YTHDC2: variants seen among roughly 807,000 people sequenced by gnomAD.
The protein encoded by YTHDC2 is YTH N6-methyladenosine RNA binding protein C2.
A neutral mutation model predicts 174.9 loss-of-function variants in YTHDC2; 45 were observed. The ratio of observed to expected loss-of-function variants is 0.26; its 90% confidence interval spans 0.20 to 0.33. The LOEUF is 0.33. Among genes scored for constraint, YTHDC2 ranks in the 10% least tolerant of loss-of-function variants. The pLI is 1.00. For missense variants in YTHDC2, 1,650 were observed against 1,723.7 expected, an observed-to-expected ratio of 0.96 and a Z score of 0.76; for synonymous variants, 657 against 574.5, an observed-to-expected ratio of 1.14 and a Z score of -2.05.
At chr5:113,588,418 A>G (rs1778810743) in intron 26 of YTHDC2, among the ~76,000 whole-genome samples, 2 of 151,896 alleles carry the variant, frequency 1.3e-5, no homozygotes, top group African/African-American at 2.4e-5. Flanking sequence ...TTTGTTCATG[A>G]GGGGTATTAT....
intron 23 of YTHDC2, among the ~76,000 whole-genome samples, chr5:113,576,649 C>G (rs944298721): frequency 6.6e-6 from 1 of 151,974 alleles, no homozygotes; most frequent in Non-Finnish European, 1.5e-5. Flanking sequence ...TTATTTCTGT[C>G]AAAAAGAAAT....
chr5:113,590,380 G>T (rs147718458), intron 26 of YTHDC2, among the ~76,000 whole-genome samples: 21 of 152,340 alleles, frequency 1.4e-4, no homozygotes, highest in African/African-American at 5.1e-4. Context: ...GGTTCTATCT[G>T]TTCTGGCTGA....
chr5:113,548,720 C>A (rs752515750), intron 11 of YTHDC2, 53 bp downstream of exon 11: 191 of 1,501,968 alleles, frequency 1.3e-4, no homozygotes, highest in Non-Finnish European at 1.5e-4. Flanking sequence ...CTACACATAT[C>A]TTTTTTTGTT....
chr5:113,560,774 A>G (rs573729371), intron 17 of YTHDC2, among the ~76,000 whole-genome samples: 4 of 152,320 alleles, frequency 2.6e-5, no homozygotes, highest in African/African-American at 9.6e-5. Flanking sequence ...TAAATTACCA[A>G]TATTCATTCA....
At chr5:113,573,365 A>G (rs1218574080) in intron 23 of YTHDC2, among the ~76,000 whole-genome samples, 1 of 152,072 alleles carries the variant, frequency 6.6e-6, no homozygotes, top group Non-Finnish European at 1.5e-5. Context: ...TTCCCTTTGT[A>G]TGTAACCTGG....
At chr5:113,526,991 T>A (rs1774304597) in intron 4 of YTHDC2, among the ~76,000 whole-genome samples, 1 of 151,920 alleles carries the variant, frequency 6.6e-6, no homozygotes, top group African/African-American at 2.4e-5. Flanking sequence ...AGAAAGAAAA[T>A]GTTTTAAATA....
chr5:113,532,503 CTT>C (rs1326809585), intron 4 of YTHDC2, among the ~76,000 whole-genome samples: 6 of 152,122 alleles, frequency 3.9e-5, no homozygotes, highest in African/African-American at 1.4e-4. Context: ...ATTTTATTGA[CTT>C]TATGGAATAA....
intron 23 of YTHDC2, among the ~76,000 whole-genome samples, chr5:113,579,366 G>T (rs1778254307): frequency 6.6e-6 from 1 of 151,812 alleles, no homozygotes. Context: ...TTATTTTGTT[G>T]CATTGTGATG....
chr5:113,572,641 G>A (rs1395034012), intron 23 of YTHDC2, among the ~76,000 whole-genome samples: 1 of 152,180 alleles, frequency 6.6e-6, no homozygotes, highest in South Asian at 2.1e-4. Flanking sequence ...TAATGAATCT[G>A]GGTGCTCCTG....
intron 23 of YTHDC2, among the ~76,000 whole-genome samples, chr5:113,574,688 T>G (rs1026559972): frequency 2.0e-5 from 3 of 152,168 alleles, no homozygotes; most frequent in Non-Finnish European, 4.4e-5. Context: ...TGAGGTGCCA[T>G]GGAAGTGGAT....
rs1411392037 is a variant in YTHDC2, at chr5:113,591,224, C to A, written c.4009C>A (p.Gln1337Lys). The change falls in exon 27 of 30, where the codon CAA becomes AAA. Residue 1337 changes from glutamine (Q) to lysine (K), a missense_variant. Gln to Lys is a moderately conservative substitution (Grantham distance 53, BLOSUM62 1). This residue lies in a region of YTHDC2 where 913 missense variants were observed against 940.4 expected (regional missense o/e 0.97). Coordinates refer to ENST00000161863, the MANE Select transcript of YTHDC2 (RefSeq NM_022828.5). ...SSIVYLVFSV[Q>K]GSGHFQGFSR... ...CATAGTTTACTTGGTATTTTCTGTT[C>A]AAGGATCTGGACATTTCCAGGTGAG... 1.2e-6 allele frequency: 2 copies of A among 1,613,782 alleles called. No homozygotes were observed. The highest frequency in any genetic ancestry group is 1.1e-5 in the South Asian group (1 of 91,052).
At chr5:113,542,105 A>G (rs1367834544) in intron 9 of YTHDC2, among the ~76,000 whole-genome samples, 4 of 152,190 alleles carry the variant, frequency 2.6e-5, no homozygotes, top group African/African-American at 9.6e-5. Flanking sequence ...TAACAACATC[A>G]TATTGGAAGC....
rs6867579 is a variant in YTHDC2, at chr5:113,563,876, T to C, written c.2460T>C (p.Asp820=). Reference sequence around the variant, plus strand: ...TTACTTAGACAATAGATGCAATGGATACATGGGAAGATCTGACTGAACTTG... The same window carrying C: ...TTACTTAGACAATAGATGCAATGGACACATGGGAAGATCTGACTGAACTTG... ...VQMLKTIDAM[D]TWEDLTELGY... is the part of the protein sequence containing the mutation. Residue 820 remains aspartate (D), a synonymous_variant, in exon 20 of 30, where the codon GAT becomes GAC. Coordinates refer to ENST00000161863, the MANE Select transcript of YTHDC2 (RefSeq NM_022828.5). 262,447 of 1,614,006 alleles carry C rather than the reference T, an allele frequency of 0.16. 23,073 individuals carry two copies. The highest frequency in any genetic ancestry group is 0.18 in the Non-Finnish European group (215,510 of 1,179,892).
In YTHDC2 at chr5:113,539,128, C is replaced by T; in HGVS notation, c.1157C>T (p.Thr386Ile). The change falls in exon 8 of 30, where the codon ACA (threonine) becomes ATA (isoleucine). Residue 386 changes from threonine (T) to isoleucine (I), a missense_variant. Around this residue, in one of 5 missense-constraint regions of YTHDC2, gnomAD observed 411 missense variants for 380.6 expected, o/e 1.08. Coordinates refer to ENST00000161863, the MANE Select transcript of YTHDC2 (RefSeq NM_022828.5). ...KEMFLEDILR[T>I]TGYTNKEMLK... is the part of the protein sequence containing the mutation. ...ATGTTTCTGGAAGATATTTTAAGAA[C>T]AACTGGATATACAAACAAAGAAATG... 1 of 1,438,362 alleles carries T rather than the reference C, an allele frequency of 7.0e-7. No homozygotes were observed. Among genetic ancestry groups the T allele is most frequent in the African/African-American group, 1.5e-5 (1 of 68,124 alleles). The allele number at this position is 1,438,362 out of a possible 1,614,324, so 89.1% of individuals were successfully genotyped here.
chr5:113,553,055 T>G (rs972861507), intron 12 of YTHDC2, 126 bp from the exon 13 acceptor site: 4 of 934,552 alleles, frequency 4.3e-6, no homozygotes, highest in Non-Finnish European at 5.9e-6. Flanking sequence ...ATGAATCATA[T>G]TATAGCTAGG....
rs376001160 is a variant in YTHDC2, at chr5:113,532,944, A to T, written c.741A>T (p.Gln247His). 2.5e-6 allele frequency: 4 copies of T among 1,614,180 alleles called. No individual in the cohort carries two copies. Among genetic ancestry groups the T allele is most frequent in the Non-Finnish European group, 3.4e-6 (4 of 1,180,032 alleles). Reference sequence around the variant, plus strand: ...TCCCCTGCCGTATATTTTGTACTCAACCAAGACGATTGGCAGCTATCGCTG... The same window carrying T: ...TCCCCTGCCGTATATTTTGTACTCATCCAAGACGATTGGCAGCTATCGCTG... ...NGIPCRIFCT[Q>H]PRRLAAIAVA... Residue 247 changes from glutamine (Q) to histidine (H), a missense_variant, in exon 5 of 30, where the codon CAA becomes CAT. By Grantham distance (24) the Gln-to-His change is conservative (BLOSUM62 0). Around this residue, in one of 5 missense-constraint regions of YTHDC2, gnomAD observed 304 missense variants for 341.4 expected, o/e 0.89. Coordinates refer to ENST00000161863, the MANE Select transcript of YTHDC2 (RefSeq NM_022828.5).
intron 26 of YTHDC2, 50 bp from the exon 27 acceptor site, chr5:113,590,991 G>A: frequency 6.7e-7 from 1 of 1,502,238 alleles, no homozygotes; most frequent in Non-Finnish European, 9.1e-7. Context: ...GGAGCCTCTT[G>A]GTTTTGAAAG....
At chr5:113,588,777 C>T (rs1204329134) in intron 26 of YTHDC2, among the ~76,000 whole-genome samples, 1 of 151,814 alleles carries the variant, frequency 6.6e-6, no homozygotes, top group African/African-American at 2.4e-5. Context: ...CATGTGCCAC[C>T]ATGCCTGGCT....
At chr5:113,567,404 T>TTATATATATATATATATATATATATATA (rs368320106) in intron 22 of YTHDC2, 107 bp downstream of exon 22, 2 of 276,016 alleles carry the variant, frequency 7.2e-6, no homozygotes, top group African/African-American at 7.6e-5. Flanking sequence ...AATTAATTAG[T>TTATATATATATATATATATATATATATA]TATATATATA....
Sources: allele counts gnomAD v4.1 joint callset (sites outside exome capture counted in the v4.1 genomes callset), GRCh38; gene constraint gnomAD v4.1.1; regional missense constraint gnomAD v4.1.1; transcripts MANE v1.5; gene names NCBI Gene and HGNC (gene_info 2026-07-23, HGNC 2026-07-21).